ANK1: variants seen among roughly 807,000 people sequenced by gnomAD.
ANK1 encodes the protein ankyrin 1.
ANK1 carries 51 observed loss-of-function variants against 210.4 expected under a neutral mutation model. The observed-to-expected ratio is 0.24, with a 90% CI of 0.19 to 0.31. ANK1 has a LOEUF of 0.31. ANK1 is among the 10% of genes least tolerant of loss of function. The pLI, the probability that ANK1 is intolerant of heterozygous loss-of-function variation, is 1.00. For synonymous variants in ANK1, 967 were observed against 1,025.9 expected (o/e 0.94, Z 1.10); for missense variants, 2,051 against 2,504.4 (o/e 0.82, Z 3.86).
At chr8:41,675,122 G>C (rs1813721567) in intron 37 of ANK1, among the ~76,000 whole-genome samples, 1 of 152,156 alleles carries the variant, frequency 6.6e-6, no homozygotes, top group South Asian at 2.1e-4. Context: ...GCAGAGTCTT[G>C]CTCTGTTGCC....
chr8:41,785,599 T>G (rs921187441), intron 1 of ANK1, among the ~76,000 whole-genome samples: 3 of 152,196 alleles, frequency 2.0e-5, no homozygotes, highest in African/African-American at 7.2e-5. Flanking sequence ...AGATGAGGCC[T>G]GGCTGGGGTC....
intron 1 of ANK1, among the ~76,000 whole-genome samples, chr8:41,821,256 CT>C (rs1804213405): frequency 6.6e-6 from 1 of 152,092 alleles, no homozygotes; most frequent in Non-Finnish European, 1.5e-5. Flanking sequence ...TAGATAAAAA[CT>C]TGAAATATGA....
At chr8:41,783,975 G>A (rs1845845421) in intron 1 of ANK1, among the ~76,000 whole-genome samples, 1 of 151,960 alleles carries the variant, frequency 6.6e-6, no homozygotes, top group Non-Finnish European at 1.5e-5. Flanking sequence ...CTTGAGCCCA[G>A]GAGGTCGCGG....
At chr8:41,889,980 C>T (rs1412460089) in intron 1 of ANK1, among the ~76,000 whole-genome samples, 1 of 152,158 alleles carries the variant, frequency 6.6e-6, no homozygotes, top group East Asian at 1.9e-4. Context: ...TTAAAGTATC[C>T]TTTTCTCATT....
At chr8:41,759,937 T>A (rs1009852761) in intron 1 of ANK1, among the ~76,000 whole-genome samples, 2 of 152,150 alleles carry the variant, frequency 1.3e-5, no homozygotes, top group East Asian at 3.9e-4. Flanking sequence ...ATGCAGGTAG[T>A]GTGGCTCAGA....
At chr8:41,877,026 G>A (rs1437597300) in intron 1 of ANK1, among the ~76,000 whole-genome samples, 3 of 152,200 alleles carry the variant, frequency 2.0e-5, no homozygotes, top group Non-Finnish European at 4.4e-5. Flanking sequence ...GAGCACAGTG[G>A]CTCACATCTG....
At chr8:41,800,704 T>C (rs1849727482), upstream of ANK1, among the ~76,000 whole-genome samples, 1 of 152,152 alleles carries the variant, frequency 6.6e-6, no homozygotes, top group South Asian at 2.1e-4. Context: ...CTCTATAGTT[T>C]TTCCACTTAT....
chr8:41,880,894 C>A (rs1452667526), intron 1 of ANK1, among the ~76,000 whole-genome samples: 1 of 152,244 alleles, frequency 6.6e-6, no homozygotes. Context: ...CACTTTGCTG[C>A]CTTACTTGGT....
At chr8:41,737,622 T>A (rs1466510989) in intron 2 of ANK1, among the ~76,000 whole-genome samples, 1 of 152,240 alleles carries the variant, frequency 6.6e-6, no homozygotes, top group African/African-American at 2.4e-5. Flanking sequence ...CTCCTTCTTA[T>A]GATTTTTAAA....
intron 8 of ANK1, 147 bp downstream of exon 8, chr8:41,723,388 G>T (rs2304874): frequency 8.7e-7 from 1 of 1,145,338 alleles, no homozygotes; most frequent in African/African-American, 1.5e-5. Context: ...CACTGCACGC[G>T]GCACTGCCCA....
Position 41,849,826 on chromosome 8 carries a change from C to A in ANK1, c.126+46529G>T, listed in dbSNP as rs111973407. On this transcript the variant is annotated intron_variant, in intron 1 of 42. Transcript: ENST00000265709. ...TCTCTTCCTCTTAACTCTTTTTCAC[C>A]AACCACGCTGAAGTTTGAGAAAACT... Among the ~76,000 whole-genome samples the A allele has an allele frequency of 1.5e-3, 236 of 152,304 alleles. 3 individuals are homozygous for A. The highest frequency in any genetic ancestry group is 6.8e-3 in the Middle Eastern group (2 of 294).
intron 20 of ANK1, 64 bp from the exon 21 acceptor site, chr8:41,702,208 C>T: frequency 7.3e-7 from 1 of 1,366,612 alleles, no homozygotes; most frequent in Non-Finnish European, 1.0e-6. Flanking sequence ...GGGGCTGGCT[C>T]CCTAGACACA....
intron 4 of ANK1, 36 bp from the exon 5 acceptor site, chr8:41,727,384 C>CG: frequency 6.6e-7 from 1 of 1,511,040 alleles, no homozygotes; most frequent in Non-Finnish European, 9.2e-7. Flanking sequence ...AGCATCCACC[C>CG]GCAATTTAAG....
chr8:41,740,440 G>A (rs1012505125), intron 2 of ANK1, among the ~76,000 whole-genome samples: 1 of 145,632 alleles, frequency 6.9e-6, no homozygotes, highest in Non-Finnish European at 1.5e-5. Context: ...GATTACAGGC[G>A]TGAGCCACCA....
intron 38 of ANK1, 98 bp downstream of exon 38, chr8:41,672,256 G>T: frequency 7.5e-7 from 1 of 1,328,774 alleles, no homozygotes. Flanking sequence ...CCCAGGGTCA[G>T]GGTTGGCATC....
Position 41,695,210 on chromosome 8 carries a change from A to G in ANK1, c.3082T>C (p.Tyr1028His), listed in dbSNP as rs1184198693. 4.3e-6 allele frequency: 7 copies of G among 1,614,102 alleles called. No individual in the cohort carries two copies. Among genetic ancestry groups the G allele is most frequent in the Non-Finnish European group, 5.9e-6 (7 of 1,180,020 alleles). Residue 1028 changes from tyrosine (Y) to histidine (H), a missense_variant, in exon 27 of 43, where the codon TAC becomes CAC. By Grantham distance (83) the Tyr-to-His change is moderately conservative (BLOSUM62 2). This residue lies in a region of ANK1 where 1,413 missense variants were observed against 1,707.4 expected (regional missense o/e 0.83). Transcript: ENST00000289734. Reference sequence around the variant, plus strand: ...ATCCCGTTGAGGATCTGATCCAGGTAGCTCTCTCCATAGCGGCTCCTGTGC... The same window carrying G: ...ATCCCGTTGAGGATCTGATCCAGGTGGCTCTCTCCATAGCGGCTCCTGTGC... ...KEHRSRYGES[Y>H]LDQILNGMDE...
At chr8:41,847,601 T>G (rs1466156298) in intron 1 of ANK1, among the ~76,000 whole-genome samples, 1 of 152,190 alleles carries the variant, frequency 6.6e-6, no homozygotes, top group South Asian at 2.1e-4. Flanking sequence ...CGTGAAAGAT[T>G]ACTCATCTTC....
At chr8:41,739,372 T>C (rs1430672817) in intron 2 of ANK1, among the ~76,000 whole-genome samples, 1 of 152,210 alleles carries the variant, frequency 6.6e-6, no homozygotes, top group Non-Finnish European at 1.5e-5. Flanking sequence ...ATGAATGTTA[T>C]CTACTTTTCC....
chr8:41,880,786 C>T (rs1342696018), intron 1 of ANK1, among the ~76,000 whole-genome samples: 1 of 152,272 alleles, frequency 6.6e-6, no homozygotes, highest in Non-Finnish European at 1.5e-5. Context: ...AGCTCCCTGG[C>T]AGGCTTCTCC....
Sources: allele counts gnomAD v4.1 joint callset (sites outside exome capture counted in the v4.1 genomes callset), GRCh38; gene constraint gnomAD v4.1.1; regional missense constraint gnomAD v4.1.1; transcripts MANE v1.5; gene names NCBI Gene and HGNC (gene_info 2026-07-23, HGNC 2026-07-21).